MTCL1: variants seen among roughly 807,000 people sequenced by gnomAD.
MTCL1 encodes the protein microtubule crosslinking factor 1.
A neutral mutation model predicts 141.4 loss-of-function variants in MTCL1; 79 were observed. That is an observed-to-expected ratio of 0.56 (90% confidence interval 0.47 to 0.67). The LOEUF is 0.67. Among genes scored for constraint, MTCL1 ranks in the 30% least tolerant of loss-of-function variants. The pLI is 0.00. For missense variants in MTCL1, 2,177 were observed against 2,113.9 expected (o/e 1.03, Z -0.59); for synonymous variants, 914 against 875.8 (o/e 1.04, Z -0.77).
exon 9 of MTCL1, chr18:8,796,457 A>T: frequency 6.2e-7 from 1 of 1,613,986 alleles, no homozygotes; most frequent in Non-Finnish European, 8.5e-7. Context: ...AGAGGAGTTC[A>T]CTGAGGTAAC....
intron 4 of MTCL1, among the ~76,000 whole-genome samples, chr18:8,773,106 C>T (rs975642107): frequency 7.2e-5 from 11 of 152,070 alleles, no homozygotes; most frequent in African/African-American, 2.4e-4. Flanking sequence ...TACTCACTCA[C>T]GATGATAGAA....
rs1315743100 is a variant in MTCL1 at position 8,792,882 on chromosome 18, A to G, written c.1888-116A>G. The G allele has an allele frequency of 2.1e-6, 3 of 1,422,456 alleles. No individual in the cohort carries two copies. In the Admixed American group the frequency reaches 5.9e-5, roughly 28 times the overall value. 88.1% of individuals were successfully genotyped at this position (1,422,456 alleles called of 1,614,324 possible). A position where few individuals can be genotyped will look rare whatever the true frequency, so the allele number is the denominator to read the frequency against. ...CAGTCACTCCACTGCTGCAGTGCCC[A>G]CACATGCTGTGTCGCTCCGTGTGCG... On this transcript the variant is annotated intron_variant, in intron 7 of 16. Transcript: ENST00000359865.
At chr18:8,825,995 C>A in exon 15 of MTCL1, 1 of 1,602,820 alleles carries the variant, frequency 6.2e-7, no homozygotes. Context: ...GGTCGCCTAG[C>A]CCCATTGGGG....
chr18:8,796,771 A>G (rs1251794625), intron 9 of MTCL1, among the ~76,000 whole-genome samples: 9 of 152,212 alleles, frequency 5.9e-5, no homozygotes, highest in Admixed American at 5.9e-4. Flanking sequence ...TAGTGCAGGA[A>G]TGACATGAAG....
intron 14 of MTCL1, among the ~76,000 whole-genome samples, chr18:8,823,363 G>A (rs2076909927): frequency 6.6e-6 from 1 of 152,170 alleles, no homozygotes; most frequent in East Asian, 1.9e-4. Context: ...TTCCTCTGTG[G>A]GCAAAAGTGG....
At chr18:8,784,414 G>A (rs552186889) in exon 6 of MTCL1, 15 of 1,528,058 alleles carry the variant, frequency 9.8e-6, no homozygotes, top group South Asian at 2.6e-5. Context: ...GGAAGCCATC[G>A]GAGGCCAGCG....
At position 8,779,471 on chromosome 18, in the gene MTCL1, G is replaced by A. The variant is rs2096525365; in HGVS notation, c.417+1579G>A. Among the ~76,000 whole-genome samples, 1 of 152,178 alleles carries A rather than the reference G, an allele frequency of 6.6e-6. No individual in the cohort carries two copies. Among genetic ancestry groups the A allele is most frequent in the Admixed American group, 6.5e-5 (1 of 15,286 alleles). On this transcript the variant is annotated intron_variant, in intron 5 of 16. Coordinates refer to ENST00000359865, the Ensembl canonical transcript of MTCL1. The surrounding 1 kb of genome is among the most constrained non-coding windows in gnomAD (Gnocchi z 4.1). ...AGTCTACGGTTACAAGATAAGATGG[G>A]CATCCAGCCTCCCGCTGCCTGAGCT...
At chr18:8,711,079 C>A (rs2096088842) in intron 1 of MTCL1, among the ~76,000 whole-genome samples, 1 of 151,560 alleles carries the variant, frequency 6.6e-6, no homozygotes, top group South Asian at 2.1e-4. Flanking sequence ...GTGATATTCC[C>A]CTTCCTGTGT....
At chr18:8,801,307 CCTGA>C (rs1312690386) in intron 10 of MTCL1, among the ~76,000 whole-genome samples, 1 of 126,376 alleles carries the variant, frequency 7.9e-6, no homozygotes, top group African/African-American at 2.6e-5. Context: ...CTGTGATCTG[CCTGA>C]CTTTTTTTTT....
At chr18:8,728,111 A>T (rs943611320) in intron 4 of MTCL1, among the ~76,000 whole-genome samples, 4 of 152,178 alleles carry the variant, frequency 2.6e-5, no homozygotes, top group Non-Finnish European at 5.9e-5. Context: ...CTTGTCTTTC[A>T]TATGTTTTAG....
chr18:8,726,518 CGAGA>C (rs1567945200), intron 4 of MTCL1, among the ~76,000 whole-genome samples: 2 of 130,922 alleles, frequency 1.5e-5, no homozygotes, highest in South Asian at 2.5e-4. Context: ...CAAGAGCGAG[CGAGA>C]GAGAGCGAGT....
exon 3 of MTCL1, chr18:8,718,602 G>T: frequency 6.2e-7 from 1 of 1,613,842 alleles, no homozygotes; most frequent in South Asian, 1.1e-5. Context: ...GCTGAGACGG[G>T]TCAGGTGGAT....
At chr18:8,752,556 T>A (rs1277403847) in intron 4 of MTCL1, among the ~76,000 whole-genome samples, 3 of 152,222 alleles carry the variant, frequency 2.0e-5, no homozygotes, top group Admixed American at 6.5e-5. Flanking sequence ...ATGTCTGCTG[T>A]CTTAGAGGGC....
exon 1 of MTCL1, chr18:8,706,114 C>G (rs1378648450): frequency 9.1e-6 from 11 of 1,211,500 alleles, no homozygotes; most frequent in Non-Finnish European, 9.2e-6. Flanking sequence ...CGGAGCCGAG[C>G]CGCCGTCTGC....
chr18:8,784,980 G>A (rs1392273966), intron 6 of MTCL1, 137 bp downstream of exon 5: 1 of 633,244 alleles, frequency 1.6e-6, no homozygotes, highest in African/African-American at 1.9e-5. Flanking sequence ...AAGCCTCCGG[G>A]GCAACCGGAT....
At chr18:8,812,100 T>C (rs1047939268) in intron 11 of MTCL1, among the ~76,000 whole-genome samples, 1 of 64,178 alleles carries the variant, frequency 1.6e-5, no homozygotes, top group East Asian at 9.2e-4. Flanking sequence ...CAACACACTG[T>C]AACAATTTTT....
At chr18:8,756,455 GTA>G (rs754854548) in intron 4 of MTCL1, among the ~76,000 whole-genome samples, 1 of 143,146 alleles carries the variant, frequency 7.0e-6, no homozygotes, top group Non-Finnish European at 1.5e-5. Context: ...GTATATATGT[GTA>G]TATATGTGTA....
Position 8,798,190 on chromosome 18 carries a change from TG to T in MTCL1, c.2336del (p.Cys779LeufsTer102). The T allele has an allele frequency of 6.3e-7, 1 of 1,598,926 alleles. No individual in the cohort carries two copies. The highest frequency in any genetic ancestry group is 8.5e-7 in the Non-Finnish European group (1 of 1,173,292). On this transcript the variant is annotated frameshift_variant, in exon 10 of 17. Coordinates refer to ENST00000359865, the Ensembl canonical transcript of MTCL1. LOFTEE classifies it high-confidence loss of function. ...CCCAGACCACGACAGTGACCGAGGC[TG>T]TGGCTTTCCAGTGGGGGAGCACTCC...
intron 10 of MTCL1, among the ~76,000 whole-genome samples, chr18:8,798,940 C>A (rs553519368): frequency 6.6e-6 from 1 of 152,166 alleles, no homozygotes; most frequent in Non-Finnish European, 1.5e-5. Context: ...AGAGCAGGAC[C>A]CTGTGTTAAC....
Sources: allele counts gnomAD v4.1 joint callset (sites outside exome capture counted in the v4.1 genomes callset), GRCh38; gene constraint gnomAD v4.1.1; non-coding constraint Gnocchi (gnomAD v3.1); transcripts MANE v1.5; gene names NCBI Gene and HGNC (gene_info 2026-07-23, HGNC 2026-07-21).